Variants in ADAMTS3 observed in about 807,000 individuals in gnomAD.
ADAMTS3 encodes the protein ADAM metallopeptidase with thrombospondin type 1 motif 3, also known as A disintegrin and metalloproteinase with thrombospondin motifs 3.
ADAMTS3 carries 73 observed loss-of-function variants against 129.0 expected under a neutral mutation model. The observed-to-expected ratio is 0.57, with a 90% CI of 0.47 to 0.69. ADAMTS3 has a LOEUF of 0.69. Among genes scored for constraint, ADAMTS3 ranks in the 30% least tolerant of loss-of-function variants. ADAMTS3 has a pLI of 0.00. For synonymous variants in ADAMTS3, 477 were observed against 510.8 expected (o/e 0.93, Z 0.89); for missense variants, 1,457 against 1,514.5 (o/e 0.96, Z 0.63).
intron 5 of ADAMTS3, among the ~76,000 whole-genome samples, chr4:72,329,371 T>A (rs1310042973): frequency 1.3e-5 from 2 of 152,090 alleles, no homozygotes; most frequent in African/African-American, 4.8e-5. Context: ...TGTGACTGTT[T>A]AGGGAAAAAG....
chr4:72,492,087 T>G (rs1303961960), intron 3 of ADAMTS3, among the ~76,000 whole-genome samples: 2 of 151,694 alleles, frequency 1.3e-5, no homozygotes, highest in Admixed American at 1.3e-4. Context: ...ATGATTTTTA[T>G]TTCAGAAAAA....
At chr4:72,411,691 A>T (rs1409252592) in intron 4 of ADAMTS3, among the ~76,000 whole-genome samples, 1 of 152,120 alleles carries the variant, frequency 6.6e-6, no homozygotes, top group African/African-American at 2.4e-5. Context: ...CTAAAAGATC[A>T]TCTATCCTAA....
chr4:72,284,444 CAAA>C (rs11292771), intron 21 of ADAMTS3, among the ~76,000 whole-genome samples: 11 of 123,560 alleles, frequency 8.9e-5, no homozygotes, highest in Non-Finnish European at 1.5e-4. Flanking sequence ...GACTCTGTCT[CAAA>C]AAAAAAAAAA....
Position 72,310,842 on chromosome 4 carries a change from T to A in ADAMTS3, c.2055+206A>T, listed in dbSNP as rs188658379. 1.0e-3 allele frequency among the ~76,000 whole-genome samples: 152 copies of A among 152,270 alleles called. 1 individual carries two copies. The highest frequency in any genetic ancestry group is 3.5e-3 in the African/African-American group (147 of 41,574). The stretch of plus-strand genomic sequence containing the variant: ...ATTTGGCTGGAAATTAGGAAAATTA[T>A]TTAAACCTTGATTCTGCCAGTGACC... On this transcript the variant is annotated intron_variant, in intron 14 of 21. Transcript: ENST00000286657.
At chr4:72,382,033 T>C (rs989782631) in intron 4 of ADAMTS3, among the ~76,000 whole-genome samples, 1 of 152,132 alleles carries the variant, frequency 6.6e-6, no homozygotes, top group African/African-American at 2.4e-5. Context: ...CGAAGTGCTA[T>C]GGTGGCAGTA....
chr4:72,425,837 G>A (rs1307889299), intron 3 of ADAMTS3, among the ~76,000 whole-genome samples: 1 of 151,536 alleles, frequency 6.6e-6, no homozygotes, highest in African/African-American at 2.4e-5. Context: ...ATAGTCCTTT[G>A]GGTATATACC....
chr4:72,295,152 A>G (rs1487471903), intron 19 of ADAMTS3, among the ~76,000 whole-genome samples: 1 of 152,076 alleles, frequency 6.6e-6, no homozygotes, highest in African/African-American at 2.4e-5. Flanking sequence ...AACCATAATA[A>G]TCAATGCATG....
intron 3 of ADAMTS3, among the ~76,000 whole-genome samples, chr4:72,451,801 C>T (rs1718414063): frequency 6.6e-6 from 1 of 151,708 alleles, no homozygotes. Context: ...TAAACAATAG[C>T]TTTAAAGTTT....
intron 3 of ADAMTS3, among the ~76,000 whole-genome samples, chr4:72,533,680 C>CATATAT (rs1721112228): frequency 1.0e-4 from 3 of 29,332 alleles, no homozygotes; most frequent in Admixed American, 2.2e-4. Flanking sequence ...CACATATATG[C>CATATAT]ACACATGTAT....
intron 3 of ADAMTS3, among the ~76,000 whole-genome samples, chr4:72,520,432 C>A (rs1720632842): frequency 6.6e-6 from 1 of 152,194 alleles, no homozygotes; most frequent in Non-Finnish European, 1.5e-5. Context: ...TGTCTGTGCC[C>A]TGCCCCCAGA....
At chr4:72,544,817 C>G (rs1014652200) in intron 3 of ADAMTS3, among the ~76,000 whole-genome samples, 11 of 152,104 alleles carry the variant, frequency 7.2e-5, no homozygotes, top group African/African-American at 2.7e-4. Context: ...AGAAAAAGTA[C>G]TTCCCATGCC....
intron 4 of ADAMTS3, among the ~76,000 whole-genome samples, chr4:72,412,547 G>C (rs1251045731): frequency 6.6e-6 from 1 of 152,090 alleles, no homozygotes; most frequent in South Asian, 2.1e-4. Context: ...CAAGAGAGTT[G>C]CACTTCTAAC....
At chr4:72,470,454 CATAAT>C (rs1719042942) in intron 3 of ADAMTS3, among the ~76,000 whole-genome samples, 1 of 149,868 alleles carries the variant, frequency 6.7e-6, no homozygotes, top group African/African-American at 2.4e-5. Flanking sequence ...TATATACACT[CATAAT>C]ATATACATAT....
At chr4:72,328,258 T>C (rs1468293268) in intron 5 of ADAMTS3, among the ~76,000 whole-genome samples, 3 of 152,182 alleles carry the variant, frequency 2.0e-5, no homozygotes, top group Non-Finnish European at 4.4e-5. Flanking sequence ...TTGGAAGAGT[T>C]TGTCAATGAT....
intron 3 of ADAMTS3, among the ~76,000 whole-genome samples, chr4:72,455,723 C>G (rs2109975438): frequency 6.9e-6 from 1 of 144,666 alleles, no homozygotes; most frequent in Admixed American, 7.2e-5. Flanking sequence ...TCGGCTTTAT[C>G]AAATTTGTAA....
intron 3 of ADAMTS3, among the ~76,000 whole-genome samples, chr4:72,464,327 T>C (rs1165126633): frequency 3.3e-5 from 5 of 151,958 alleles, no homozygotes; most frequent in African/African-American, 9.7e-5. Context: ...GAATAAATGG[T>C]TATAGGTCTC....
chr4:72,510,863 C>A (rs888290960), intron 3 of ADAMTS3, among the ~76,000 whole-genome samples: 1 of 137,966 alleles, frequency 7.2e-6, no homozygotes, highest in Non-Finnish European at 1.5e-5. Flanking sequence ...ATCACATTAT[C>A]TGACTTCAAA....
intron 4 of ADAMTS3, among the ~76,000 whole-genome samples, chr4:72,407,675 A>G (rs1163405289): frequency 6.6e-6 from 1 of 152,176 alleles, no homozygotes; most frequent in Non-Finnish European, 1.5e-5. Context: ...GGCCACAAAG[A>G]CTTAAGATGT....
intron 17 of ADAMTS3, 149 bp downstream of exon 17, chr4:72,303,768 G>T (rs914420246): frequency 4.2e-6 from 3 of 722,608 alleles, no homozygotes; most frequent in Non-Finnish European, 6.8e-6. Flanking sequence ...CACAAAGAGT[G>T]GGGGGAAAGA....
Sources: allele counts gnomAD v4.1 joint callset (sites outside exome capture counted in the v4.1 genomes callset), GRCh38; gene constraint gnomAD v4.1.1; transcripts MANE v1.5; gene names NCBI Gene and HGNC (gene_info 2026-07-23, HGNC 2026-07-21).